The following RYR2 variants were observed in gnomAD, a reference collection of about 807,000 sequenced individuals.
RYR2 encodes cardiac muscle ryanodine receptor-calcium release channel.
In RYR2, 227 loss-of-function variants were observed where a neutral mutation model predicts 601.1. The ratio of observed to expected loss-of-function variants is 0.38; its 90% CI spans 0.34 to 0.42. RYR2 has a LOEUF of 0.42. RYR2 is among the 10% of genes least tolerant of loss of function. The probability of loss-of-function intolerance (pLI) is 1.00; values close to 1 mark genes in which losing one functional copy is unlikely to be tolerated. For synonymous variants in RYR2, 2,223 were observed against 2,175.1 expected (o/e 1.02, Z -0.61); for missense variants, 4,646 against 6,156.5 (o/e 0.75, Z 8.21).
In RYR2 at chr1:237,770,882, A is replaced by G. The variant is rs967116157; in HGVS notation, c.11552A>G (p.Asn3851Ser). The change falls in exon 85 of 105, where the codon AAC becomes AGC. Residue 3851 changes from asparagine (N) to serine (S), a missense_variant. By Grantham distance (46) the Asn-to-Ser change is conservative. This residue lies in a region of RYR2 where 90 missense variants were observed against 213.3 expected (regional missense o/e 0.42). Coordinates refer to ENST00000366574, the MANE Select transcript of RYR2 (RefSeq NM_001035.3). ...CTGCAACTACTCTGTGAGGGACACA[A>G]CTCAGGTTTGTGAGTCCCCGGAACT... ...RFLQLLCEGH[N>S]SDFQNYLRTQ... is the part of the protein sequence containing the mutation. The G allele has an allele frequency of 5.0e-5, 77 of 1,543,336 alleles. No individual in the cohort carries two copies. The highest frequency in any genetic ancestry group is 6.1e-5 in the Non-Finnish European group (69 of 1,140,250).
chr1:237,136,662 A>G (rs1260902891), intron 1 of RYR2, among the ~76,000 whole-genome samples: 2 of 152,148 alleles, frequency 1.3e-5, no homozygotes, highest in Non-Finnish European at 2.9e-5. Flanking sequence ...AGCATACTAC[A>G]ATGGGAAAGC....
chr1:237,641,495 TTC>T (rs879316263), intron 47 of RYR2, among the ~76,000 whole-genome samples: 22 of 140,820 alleles, frequency 1.6e-4, no homozygotes, highest in African/African-American at 3.7e-4. Context: ...CTTTCTTTCT[TTC>T]TTTCTTTCTT....
chr1:237,819,299 G>A lies in RYR2; in HGVS notation c.14590+107G>A. On this transcript the variant is annotated intron_variant, in intron 101 of 104. Coordinates refer to ENST00000366574, the MANE Select transcript of RYR2 (RefSeq NM_001035.3). This position sits in a 1 kb window ranked among gnomAD's most constrained non-coding sequence, Gnocchi z 4.0. ...ATGACGTCAAGTGTTTCCTGGCAAAGCCAAATCAAACTTTTCCTTCCAGTA... is the reference window on the plus strand; with the variant it reads ...ATGACGTCAAGTGTTTCCTGGCAAAACCAAATCAAACTTTTCCTTCCAGTA... The A allele has an allele frequency of 9.2e-7, 1 of 1,084,726 alleles. No individual in the cohort carries two copies. Among genetic ancestry groups the A allele is most frequent in the Non-Finnish European group, 1.3e-6 (1 of 741,448 alleles). The allele number at this position is 1,084,726 out of a possible 1,614,324, so 67.2% of individuals were successfully genotyped here. A position where few individuals can be genotyped will look rare whatever the true frequency, so the allele number is the denominator to read the frequency against.
intron 36 of RYR2, among the ~76,000 whole-genome samples, chr1:237,613,112 A>C (rs1169482354): frequency 1.3e-5 from 2 of 152,250 alleles, no homozygotes; most frequent in East Asian, 3.8e-4. Context: ...ATTCCAAAAA[A>C]GGAAGTCTTA....
chr1:237,184,657 G>A (rs112409811), intron 1 of RYR2, among the ~76,000 whole-genome samples: 45 of 152,114 alleles, frequency 3.0e-4, no homozygotes, highest in African/African-American at 1.0e-3. Context: ...TACCATTTGA[G>A]GTACAATGGT....
At chr1:237,494,256 G>A (rs1469023708) in intron 19 of RYR2, among the ~76,000 whole-genome samples, 1 of 152,132 alleles carries the variant, frequency 6.6e-6, no homozygotes, top group African/African-American at 2.4e-5. Context: ...GAGGCCAGAA[G>A]TGCAGCCTTC....
chr1:237,256,786 C>A (rs918241), intron 1 of RYR2, among the ~76,000 whole-genome samples: 62,543 of 151,958 alleles, frequency 0.41, 13,783 homozygotes, highest in Admixed American at 0.49. Flanking sequence ...AAAGTGAGAA[C>A]GGTCGCTTTC....
rs547685860 is a variant in RYR2 at position 237,597,919 on chromosome 1, T to C, written c.4596+2262T>C. Among the ~76,000 whole-genome samples, 386 of 152,318 alleles carry C rather than the reference T, an allele frequency of 2.5e-3. 3 individuals carry two copies. Among genetic ancestry groups the C allele is most frequent in the African/African-American group, 8.9e-3 (368 of 41,572 alleles). On this transcript the variant is annotated intron_variant, in intron 34 of 104. Transcript: ENST00000366574. ...GGATAAAAAGCAAGACTCAACTATA[T>C]GCTGCCCACTAGAGATTCACTTCAC...
Position 237,723,234 on chromosome 1 carries a change from T to C in RYR2, c.10661T>C (p.Ile3554Thr), listed in dbSNP as rs1364277722. The C allele has an allele frequency of 1.2e-6, 2 of 1,612,110 alleles. No homozygotes were observed. The highest frequency in any genetic ancestry group is 1.1e-5 in the South Asian group (1 of 90,992). Residue 3554 changes from isoleucine (I) to threonine (T), a missense_variant, in exon 74 of 105, where the codon ATA becomes ACA. Ile to Thr is a moderately conservative substitution (Grantham distance 89). Transcript: ENST00000366574. ...PEKTVERVLD[I>T]ANVLFHLEQK... Reference sequence around the variant, plus strand: ...AAGACGGTAGAAAGAGTATTGGATATAGCAAATGTGCTTTTTCATCTTGAA... The same window carrying C: ...AAGACGGTAGAAAGAGTATTGGATACAGCAAATGTGCTTTTTCATCTTGAA...
chr1:237,773,758 C>A (rs1017059964), intron 87 of RYR2, 110 bp downstream of exon 87: 1 of 749,228 alleles, frequency 1.3e-6, no homozygotes. Context: ...AGTTTCTTTG[C>A]AAATTGCTAC....
intron 3 of RYR2, among the ~76,000 whole-genome samples, chr1:237,331,565 C>T (rs902651752): frequency 9.2e-5 from 14 of 151,728 alleles, no homozygotes; most frequent in African/African-American, 2.4e-4. Context: ...TGCAGTGGCG[C>T]GATCTCAGCT....
rs10925473 is a variant in RYR2 at position 237,610,317 on chromosome 1, C to T, written c.4684-445C>T. Among the ~76,000 whole-genome samples, 109,987 of 152,108 alleles carry T rather than the reference C, an allele frequency of 0.72. 40,248 individuals carry two copies. The highest frequency in any genetic ancestry group is 0.78 in the African/African-American group (32,237 of 41,494). ...GAATACTTCTGGCTAGAGGAAGTGTCTTAAGGACGAGTTGGGTGACAGAGA... is the reference window on the plus strand; with the variant it reads ...GAATACTTCTGGCTAGAGGAAGTGTTTTAAGGACGAGTTGGGTGACAGAGA... On this transcript the variant is annotated intron_variant, in intron 35 of 104. Transcript: ENST00000366574. This position sits in a 1 kb window ranked among gnomAD's most constrained non-coding sequence, Gnocchi z 4.9.
At chr1:237,395,099 A>C (rs970147715) in intron 10 of RYR2, among the ~76,000 whole-genome samples, 15 of 152,284 alleles carry the variant, frequency 9.9e-5, no homozygotes, top group Admixed American at 9.2e-4. Context: ...GGGGATTACG[A>C]TTCAATGTGA....
At chr1:237,767,726 G>T (rs959132265) in intron 84 of RYR2, among the ~76,000 whole-genome samples, 2 of 152,018 alleles carry the variant, frequency 1.3e-5, no homozygotes, top group South Asian at 4.1e-4. Flanking sequence ...TACTTAAGCC[G>T]CTTAAACAGC....
intron 80 of RYR2, among the ~76,000 whole-genome samples, chr1:237,749,955 A>T (rs1178466546): frequency 2.0e-5 from 3 of 151,976 alleles, no homozygotes; most frequent in Admixed American, 6.6e-5. Flanking sequence ...AGACCAGCCC[A>T]GGCAACATGG....
chr1:237,533,262 C>T (rs1007781714), intron 25 of RYR2, among the ~76,000 whole-genome samples: 12 of 152,224 alleles, frequency 7.9e-5, no homozygotes, highest in Non-Finnish European at 1.3e-4. Context: ...TGACAAAAAT[C>T]TTCATAATAA....
intron 35 of RYR2, among the ~76,000 whole-genome samples, chr1:237,607,831 G>T (rs1002618175): frequency 2.6e-5 from 4 of 152,184 alleles, no homozygotes; most frequent in Non-Finnish European, 4.4e-5. Flanking sequence ...GGCTGGCTTG[G>T]TGACCTTGGA....
rs1201977099 is a variant in RYR2 at position 237,180,634 on chromosome 1, ATATATG to A, written c.49-89849_49-89844del. Among the ~76,000 whole-genome samples, 51 of 120,044 alleles carry A rather than the reference ATATATG, an allele frequency of 4.2e-4. No individual in the cohort carries two copies. The highest frequency in any genetic ancestry group is 5.8e-4 in the East Asian group (2 of 3,472). The allele number at this position is 120,044 out of a possible 152,430, so 78.8% of individuals were successfully genotyped here. A position where few individuals can be genotyped will look rare whatever the true frequency, so the allele number is the denominator to read the frequency against. ...TATATATGTATATATGTATATGTGT[ATATATG>A]TATATGTATATGTGTATATATGTAT... is the stretch of plus-strand genomic sequence containing the variant. On this transcript the variant is annotated intron_variant, in intron 1 of 104. Coordinates refer to ENST00000366574, the MANE Select transcript of RYR2 (RefSeq NM_001035.3). This position sits in a 1 kb window ranked among gnomAD's most constrained non-coding sequence, Gnocchi z 5.3.
chr1:237,559,446 G>A (rs542283096), intron 27 of RYR2, among the ~76,000 whole-genome samples: 35 of 152,108 alleles, frequency 2.3e-4, no homozygotes, highest in African/African-American at 8.2e-4. Flanking sequence ...GGGTTTCACT[G>A]TGTTGATCAG....
Sources: gnomAD v4.1 joint callset for allele counts (sites outside exome capture counted in the v4.1 genomes callset) on GRCh38, gnomAD v4.1.1 for gene constraint, gnomAD v4.1.1 regional missense constraint, Gnocchi (gnomAD v3.1) non-coding constraint, MANE v1.5 for transcripts, NCBI Gene and HGNC (gene_info 2026-07-23, HGNC 2026-07-21) for gene names.